The following SH3PXD2A variants were observed in gnomAD, a reference collection of about 807,000 sequenced individuals.
The protein encoded by SH3PXD2A is SH3 and PX domains 2A.
A neutral mutation model predicts 115.2 loss-of-function variants in SH3PXD2A; 32 were observed. That is an observed-to-expected ratio of 0.28 (90% CI 0.21 to 0.37). The LOEUF is 0.37. Among genes scored for constraint, SH3PXD2A ranks in the 10% least tolerant of loss-of-function variants. The pLI, the probability that SH3PXD2A is intolerant of heterozygous loss-of-function variation, is 1.00. For missense variants in SH3PXD2A, 1,328 were observed against 1,498.7 expected (o/e 0.89, Z 1.88); for synonymous variants, 610 against 629.1 (o/e 0.97, Z 0.45).
intron 13 of SH3PXD2A, among the ~76,000 whole-genome samples, chr10:103,607,078 C>G (rs1350843416): frequency 1.3e-5 from 2 of 151,738 alleles, no homozygotes; most frequent in African/African-American, 4.8e-5. Flanking sequence ...GCCATCCCAT[C>G]TAGGAAGTGA....
intron 14 of SH3PXD2A, among the ~76,000 whole-genome samples, chr10:103,604,107 A>G (rs1298952804): frequency 2.0e-5 from 3 of 152,112 alleles, no homozygotes; most frequent in Admixed American, 2.0e-4. Context: ...CAGTCCCTAC[A>G]ATCCTGCCAG....
chr10:103,697,045 T>C (rs1251840548), intron 5 of SH3PXD2A, among the ~76,000 whole-genome samples: 1 of 151,964 alleles, frequency 6.6e-6, no homozygotes, highest in Non-Finnish European at 1.5e-5. Flanking sequence ...ACGGTTCCTC[T>C]CTTGGCCCCT....
intron 14 of SH3PXD2A, among the ~76,000 whole-genome samples, chr10:103,604,717 T>C (rs888927218): frequency 4.6e-5 from 7 of 152,202 alleles, no homozygotes; most frequent in Non-Finnish European, 8.8e-5. Context: ...GAGAAAGATT[T>C]TCTCCTTCTT....
chr10:103,760,872 G>T (rs1403326200), intron 3 of SH3PXD2A, among the ~76,000 whole-genome samples: 1 of 152,090 alleles, frequency 6.6e-6, no homozygotes, highest in South Asian at 2.1e-4. Flanking sequence ...ATACTTAAAA[G>T]AATATTTTTT....
rs943984323 is a variant in SH3PXD2A, at chr10:103,746,488, T to C, written c.230-10680A>G. Among the ~76,000 whole-genome samples the C allele has an allele frequency of 2.0e-5, 3 of 151,982 alleles. No individual in the cohort carries two copies. Among genetic ancestry groups the C allele is most frequent in the African/African-American group, 7.3e-5 (3 of 41,350 alleles). ...GCATGCGCCACCACACCAGGCTAAT[T>C]TTTTGTATTTTTTTGTAGAAACTGG... is the stretch of plus-strand genomic sequence containing the variant. On this transcript the variant is annotated intron_variant, in intron 3 of 14. Transcript: ENST00000369774. This position sits in a 1 kb window ranked among gnomAD's most constrained non-coding sequence, Gnocchi z 4.4.
At chr10:103,710,881 T>A (rs539586289) in intron 5 of SH3PXD2A, among the ~76,000 whole-genome samples, 25 of 151,860 alleles carry the variant, frequency 1.6e-4, no homozygotes, top group Admixed American at 1.2e-3. Context: ...ACAAAAAATT[T>A]AAAAAATAGT....
chr10:103,671,849 C>A (rs373407577), intron 6 of SH3PXD2A, among the ~76,000 whole-genome samples: 1 of 152,234 alleles, frequency 6.6e-6, no homozygotes, highest in Non-Finnish European at 1.5e-5. Context: ...CCTGTCCCTG[C>A]CTTCATCTCC....
At chr10:103,652,230 G>A (rs1010635596) in intron 8 of SH3PXD2A, among the ~76,000 whole-genome samples, 1 of 152,254 alleles carries the variant, frequency 6.6e-6, no homozygotes, top group East Asian at 1.9e-4. Context: ...ATATTTCAGA[G>A]GGAAATGAAC....
chr10:103,651,984 C>T (rs1193775130), intron 8 of SH3PXD2A, among the ~76,000 whole-genome samples: 1 of 152,232 alleles, frequency 6.6e-6, no homozygotes, highest in Non-Finnish European at 1.5e-5. Context: ...AGTCTCAAAA[C>T]CCACCCACAG....
intron 6 of SH3PXD2A, among the ~76,000 whole-genome samples, chr10:103,680,451 T>A (rs2037593759): frequency 6.6e-6 from 1 of 151,202 alleles, no homozygotes; most frequent in Non-Finnish European, 1.5e-5. Context: ...ACTAATTTTT[T>A]ATTTTTGTAG....
At position 103,668,590 on chromosome 10, in the gene SH3PXD2A, A is replaced by G; in HGVS notation, c.472+18T>C. On this transcript the variant is annotated intron_variant, in intron 7 of 14. Transcript: ENST00000369774. Reference sequence around the variant, plus strand: ...GGAACACACATGCTCACACACATGCATGCACGCTGGGCAGTACCTGTCACG... The same window carrying G: ...GGAACACACATGCTCACACACATGCGTGCACGCTGGGCAGTACCTGTCACG... 1 of 1,550,938 alleles carries G rather than the reference A, an allele frequency of 6.4e-7. No individual in the cohort carries two copies. Among genetic ancestry groups the G allele is most frequent in the Non-Finnish European group, 8.7e-7 (1 of 1,146,086 alleles).
intron 5 of SH3PXD2A, among the ~76,000 whole-genome samples, chr10:103,699,954 C>T (rs1486748358): frequency 6.6e-6 from 1 of 152,186 alleles, no homozygotes; most frequent in Non-Finnish European, 1.5e-5. Flanking sequence ...AGGCTGCATC[C>T]CAGAGAGGCC....
At chr10:103,843,369 G>T (rs1301894197) in intron 1 of SH3PXD2A, among the ~76,000 whole-genome samples, 1 of 152,208 alleles carries the variant, frequency 6.6e-6, no homozygotes, top group Non-Finnish European at 1.5e-5. Flanking sequence ...GCCTAAGCAA[G>T]CATGGGGCTG....
intron 8 of SH3PXD2A, among the ~76,000 whole-genome samples, chr10:103,643,001 C>T (rs962430695): frequency 6.6e-6 from 1 of 152,180 alleles, no homozygotes; most frequent in Non-Finnish European, 1.5e-5. Flanking sequence ...AGACCATCTC[C>T]ATAAACAAAA....
At chr10:103,750,549 C>T (rs963231064) in intron 3 of SH3PXD2A, among the ~76,000 whole-genome samples, 2 of 152,114 alleles carry the variant, frequency 1.3e-5, no homozygotes, top group South Asian at 2.1e-4. Flanking sequence ...ATGGACAGGG[C>T]GAGAGTCTGC....
chr10:103,767,805 G>GTTTTT (rs1564884148), intron 2 of SH3PXD2A, among the ~76,000 whole-genome samples: 103 of 92,558 alleles, frequency 1.1e-3, no homozygotes, highest in African/African-American at 4.7e-3. Context: ...AGGAACAACT[G>GTTTTT]TTTTGTTTTT....
intron 5 of SH3PXD2A, among the ~76,000 whole-genome samples, chr10:103,695,513 GAAAAA>G (rs1321423150): frequency 1.1e-5 from 1 of 93,042 alleles, no homozygotes; most frequent in African/African-American, 3.8e-5. Context: ...GTCTCAAAAA[GAAAAA>G]AAAAAAAAAA....
intron 8 of SH3PXD2A, among the ~76,000 whole-genome samples, chr10:103,630,966 A>C (rs904087264): frequency 8.5e-5 from 13 of 152,154 alleles, no homozygotes; most frequent in Non-Finnish European, 1.5e-4. Context: ...TGGATGCCTG[A>C]AACTGCAGAT....
chr10:103,772,849 CCTTT>C (rs750863396), intron 2 of SH3PXD2A, among the ~76,000 whole-genome samples: 18 of 152,212 alleles, frequency 1.2e-4, no homozygotes, highest in Non-Finnish European at 1.6e-4. Flanking sequence ...ATCCTTGTGC[CCTTT>C]CTATCTAGCT....
Sources: gnomAD v4.1 joint callset for allele counts (sites outside exome capture counted in the v4.1 genomes callset) on GRCh38, gnomAD v4.1.1 for gene constraint, Gnocchi (gnomAD v3.1) non-coding constraint, MANE v1.5 for transcripts, NCBI Gene and HGNC (gene_info 2026-07-23, HGNC 2026-07-21) for gene names.